Variants in PARP16 observed in about 807,000 individuals in gnomAD.
PARP16 encodes the protein protein mono-ADP-ribosyltransferase PARP16.
In PARP16, 31 loss-of-function variants were observed where a neutral mutation model predicts 35.0. The ratio of observed to expected loss-of-function variants is 0.88; its 90% CI spans 0.66 to 1.19. The LOEUF is 1.19. PARP16 is among the 50% of genes most tolerant of loss of function. The pLI is 0.00. For synonymous variants in PARP16, 162 were observed against 169.5 expected (o/e 0.96, Z 0.34); for missense variants, 424 against 411.2 (o/e 1.03, Z -0.27).
chr15:65,263,318 T>C lies in PARP16; in HGVS notation c.522A>G (p.Thr174=), dbSNP rs946366673. Residue 174 remains threonine, a splice_region_variant and synonymous_variant, in exon 4 of 6, where the codon ACA becomes ACG. Coordinates refer to ENST00000649807, the MANE Select transcript of PARP16 (RefSeq NM_001316943.2). ...GGTAGGTCCCCTCTCCGAACAAGGA[T>C]GTCTGCAACAGCAAGGCCAATGGAA... is the stretch of plus-strand genomic sequence containing the variant. ...HNGLHCHLNK[T]SLFGEGTYLT... is the part of the protein sequence containing the mutation. The C allele has an allele frequency of 6.3e-7, 1 of 1,580,528 alleles. No homozygotes were observed. The highest frequency in any genetic ancestry group is 8.6e-7 in the Non-Finnish European group (1 of 1,162,734).
chr15:65,286,244 C>A lies in PARP16; in HGVS notation c.174+9G>T. 2 of 1,557,696 alleles carry A rather than the reference C, an allele frequency of 1.3e-6. No individual in the cohort carries two copies. The highest frequency in any genetic ancestry group is 8.7e-7 in the Non-Finnish European group (1 of 1,154,856). On this transcript the variant is annotated intron_variant, in intron 1 of 5. Coordinates refer to ENST00000649807, the MANE Select transcript of PARP16 (RefSeq NM_001316943.2). ...CGCAGTGGGCAGCGCCAGGACAAAG[C>A]ACACTCACCAGGGCTTCAAAGTCCT...
chr15:65,239,452 A>AAAAAGGAG (rs34910178), intron 3 of PARP16, among the ~76,000 whole-genome samples: 1 of 113,038 alleles, frequency 8.8e-6, no homozygotes, highest in Non-Finnish European at 1.9e-5. Context: ...AAAAAAAAAA[A>AAAAAGGAG]AGAGAGAAAA....
In PARP16 at chr15:65,286,444, T is replaced by C. The variant is rs1238450087; in HGVS notation, c.-18A>G. On this transcript the variant is annotated 5_prime_UTR_variant, in exon 1 of 6. Transcript: ENST00000649807. ...GGCTGCATCCCAGGTCACTGCGCGT[T>C]GCCGGGGTAGACGCGCTGGTTAGGG... is the stretch of plus-strand genomic sequence containing the variant. 6.8e-7 allele frequency: 1 copy of C among 1,460,184 alleles called. No homozygotes were observed. Among genetic ancestry groups the C allele is most frequent in the East Asian group, 2.7e-5 (1 of 37,172 alleles). The allele number at this position is 1,460,184 out of a possible 1,614,324, so 90.5% of individuals were successfully genotyped here. A position where few individuals can be genotyped will look rare whatever the true frequency, so the allele number is the denominator to read the frequency against.
intron 2 of PARP16, among the ~76,000 whole-genome samples, chr15:65,269,204 C>CTTTTTTTTTTT (rs894925251): frequency 9.7e-6 from 1 of 103,490 alleles, no homozygotes; most frequent in African/African-American, 3.1e-5. Flanking sequence ...TTCTTTCTTT[C>CTTTTTTTTTTT]TTTTTTTTTT....
chr15:65,285,782 T>TA (rs1186840932), intron 1 of PARP16, among the ~76,000 whole-genome samples: 5 of 152,210 alleles, frequency 3.3e-5, no homozygotes, highest in Non-Finnish European at 5.9e-5. Flanking sequence ...AAATAACAGC[T>TA]TACATATGTA....
chr15:65,274,675 C>G (rs2090195631), intron 1 of PARP16, among the ~76,000 whole-genome samples: 1 of 152,114 alleles, frequency 6.6e-6, no homozygotes, highest in Admixed American at 6.5e-5. Context: ...GCTTCACCCC[C>G]AGGCTGCATG....
downstream of PARP16, among the ~76,000 whole-genome samples, chr15:65,231,984 A>C (rs1311668824): frequency 1.3e-5 from 2 of 151,982 alleles, no homozygotes; most frequent in Non-Finnish European, 2.9e-5. Flanking sequence ...CTTTTTAAAA[A>C]TTTTTAGTGC....
intron 3 of PARP16, among the ~76,000 whole-genome samples, chr15:65,237,305 G>A (rs1014537496): frequency 6.6e-6 from 1 of 152,246 alleles, no homozygotes. Flanking sequence ...TGCATCACTC[G>A]GTGAGTCACC....
intron 3 of PARP16, among the ~76,000 whole-genome samples, chr15:65,236,701 G>A (rs1301284178): frequency 2.6e-5 from 4 of 152,192 alleles, no homozygotes; most frequent in African/African-American, 4.8e-5. Context: ...GGCTGGGCAC[G>A]GTGGCTTATG....
chr15:65,280,436 CAAA>C (rs11450302), intron 1 of PARP16, among the ~76,000 whole-genome samples: 3 of 60,898 alleles, frequency 4.9e-5, no homozygotes, highest in African/African-American at 5.3e-5. Context: ...GAACTCGTCT[CAAA>C]AAAAAAAAAA....
chr15:65,252,166 G>A (rs1251187453), intron 2 of PARP16, among the ~76,000 whole-genome samples: 1 of 152,136 alleles, frequency 6.6e-6, no homozygotes, highest in African/African-American at 2.4e-5. Context: ...GTGAGTGGAG[G>A]GGGCAGTCAG....
chr15:65,277,845 T>G (rs780120224), intron 1 of PARP16, among the ~76,000 whole-genome samples: 2 of 152,244 alleles, frequency 1.3e-5, no homozygotes, highest in Non-Finnish European at 2.9e-5. Context: ...CTGAGACAGC[T>G]ACTGGCTGTG....
At chr15:65,255,262 G>A (rs954889685), downstream of PARP16, among the ~76,000 whole-genome samples, 4 of 151,952 alleles carry the variant, frequency 2.6e-5, no homozygotes, top group African/African-American at 4.8e-5. Context: ...CTAGTCCTGT[G>A]CTAACTCATC....
At chr15:65,269,171 G>A (rs1277644082) in intron 2 of PARP16, among the ~76,000 whole-genome samples, 14 of 62,686 alleles carry the variant, frequency 2.2e-4, no homozygotes, top group African/African-American at 5.6e-4. Flanking sequence ...CATTTTAGTC[G>A]GTTTTTTTCT....
rs762351709 is a variant in PARP16, at chr15:65,286,272, C to G, written c.155G>C (p.Cys52Ser). The G allele has an allele frequency of 3.8e-6, 6 of 1,590,892 alleles. No homozygotes were observed. The highest frequency in any genetic ancestry group is 1.8e-5 in the Admixed American group (1 of 57,016). ...PFPASYARGD[C>S]KDFEALLADA... ...ACTCACCAGGGCTTCAAAGTCCTTA[C>G]AGTCGCCGCGGGCGTAGGACGCGGG... Residue 52 changes from cysteine to serine, a missense_variant, in exon 1 of 6, where the codon TGT (cysteine) becomes TCT (serine). Physicochemically the swap from Cys to Ser is moderately radical, Grantham distance 112. Transcript: ENST00000649807.
chr15:65,263,240 C>A lies in PARP16; in HGVS notation c.600G>T (p.Trp200Cys), dbSNP rs756312315. The A allele has an allele frequency of 6.2e-7, 1 of 1,613,884 alleles. No individual in the cohort carries two copies. The part of the protein sequence containing the change: ...ALIYSPHGHG[W>C]QHSLLGPILS... ...GGATGGGGCCGAGGAGGCTGTGCTG[C>A]CACCCATGGCCATGGGGGCTGTATA... The change falls in exon 4 of 6, where the codon TGG (tryptophan) becomes TGT (cysteine). Residue 200 changes from tryptophan (W) to cysteine (C), a missense_variant. Trp to Cys is a radical substitution (Grantham distance 215). Transcript: ENST00000649807.
chr15:65,283,871 T>G (rs1383380164), intron 1 of PARP16, among the ~76,000 whole-genome samples: 1 of 152,166 alleles, frequency 6.6e-6, no homozygotes, highest in African/African-American at 2.4e-5. Flanking sequence ...CTCAGAAAAT[T>G]GAGTATCTGA....
chr15:65,284,764 G>A (rs367768505), intron 1 of PARP16, among the ~76,000 whole-genome samples: 12 of 149,146 alleles, frequency 8.0e-5, no homozygotes, highest in African/African-American at 3.0e-4. Flanking sequence ...CACCAGCTAC[G>A]TCCAGAGTTT....
At chr15:65,263,452 A>C (rs962651033) in intron 3 of PARP16, 132 bp from the exon 4 acceptor site, 25 of 643,240 alleles carry the variant, frequency 3.9e-5, no homozygotes, top group Middle Eastern at 3.2e-4. Flanking sequence ...CCCCAGCAAG[A>C]CACAGGATCA....
Sources: allele counts gnomAD v4.1 joint callset (sites outside exome capture counted in the v4.1 genomes callset), GRCh38; gene constraint gnomAD v4.1.1; transcripts MANE v1.5; gene names NCBI Gene and HGNC (gene_info 2026-07-23, HGNC 2026-07-21).